Variants in CCSER2 observed in about 807,000 individuals in gnomAD.
CCSER2 encodes the protein serine-rich coiled-coil domain-containing protein 2.
CCSER2 carries 46 observed loss-of-function variants against 92.3 expected under a neutral mutation model. The ratio of observed to expected loss-of-function variants is 0.50; its 90% CI spans 0.39 to 0.64. The LOEUF (loss-of-function observed/expected upper bound fraction) is 0.64. CCSER2 is among the 30% of genes least tolerant of loss of function. CCSER2 has a pLI of 0.00. For missense variants in CCSER2, 1,244 were observed against 1,238.9 expected, an observed-to-expected ratio of 1.00 and a Z score of -0.06; for synonymous variants, 433 against 431.4, an observed-to-expected ratio of 1.00 and a Z score of -0.04.
At chr10:84,458,796 A>G (rs571106861) in intron 6 of CCSER2, among the ~76,000 whole-genome samples, 1 of 152,202 alleles carries the variant, frequency 6.6e-6, no homozygotes, top group East Asian at 1.9e-4. Context: ...CAACCTATAT[A>G]TTTAATATAC....
At chr10:84,502,951 G>A (rs1251760082) in intron 9 of CCSER2, among the ~76,000 whole-genome samples, 2 of 152,088 alleles carry the variant, frequency 1.3e-5, no homozygotes, top group East Asian at 1.9e-4. Flanking sequence ...TAGGCGAGGC[G>A]CGGTGGCTCA....
At chr10:84,476,662 C>T (rs1847166804) in intron 8 of CCSER2, among the ~76,000 whole-genome samples, 1 of 151,928 alleles carries the variant, frequency 6.6e-6, no homozygotes, top group Non-Finnish European at 1.5e-5. Flanking sequence ...CCAGGATGGT[C>T]TGCTTCTCCT....
intron 9 of CCSER2, among the ~76,000 whole-genome samples, chr10:84,503,242 A>G (rs1848865944): frequency 6.6e-6 from 1 of 152,116 alleles, no homozygotes; most frequent in Non-Finnish European, 1.5e-5. Context: ...AAAAGAATAT[A>G]GGAAAATAGA....
chr10:84,489,390 T>A (rs886081637), intron 9 of CCSER2, among the ~76,000 whole-genome samples: 2 of 152,156 alleles, frequency 1.3e-5, no homozygotes, highest in Non-Finnish European at 2.9e-5. Context: ...TTTCTAGGTC[T>A]CTAAGGACTT....
At chr10:84,457,294 T>TATGTTATATATAATATATTATATATA (rs1845737650) in intron 6 of CCSER2, among the ~76,000 whole-genome samples, 12 of 51,464 alleles carry the variant, frequency 2.3e-4, no homozygotes, top group African/African-American at 6.9e-4. Context: ...TATTATATAT[T>TATGTTATATATAATATATTATATATA]ATATATAATA....
rs1467853492 is a variant in CCSER2 at position 84,439,197 on chromosome 10, T to C, written c.2064+490T>C. On this transcript the variant is annotated intron_variant, in intron 6 of 9. Coordinates refer to ENST00000372088, the MANE Select transcript of CCSER2 (RefSeq NM_001284240.2). ...TCTTCTCCTGTTTTTTTTTTTCTTTTCTTTTTTTTTTTTGAGAAAATCTAG... is the reference window on the plus strand; with the variant it reads ...TCTTCTCCTGTTTTTTTTTTTCTTTCCTTTTTTTTTTTTGAGAAAATCTAG... Among the ~76,000 whole-genome samples, 9 of 43,706 alleles carry C rather than the reference T, an allele frequency of 2.1e-4. 1 individual carries two copies. In the East Asian group the frequency reaches 3.3e-3, roughly 16 times the overall value. 28.7% of individuals were successfully genotyped at this position (43,706 alleles called of 152,430 possible).
chr10:84,351,642 C>T (rs1476331673), intron 1 of CCSER2, among the ~76,000 whole-genome samples: 4 of 152,104 alleles, frequency 2.6e-5, no homozygotes, highest in African/African-American at 9.7e-5. Flanking sequence ...ATAGCTTGGA[C>T]TGTAGGCATG....
Position 84,385,650 on chromosome 10 carries a change from G to A in CCSER2, c.1614+11835G>A, listed in dbSNP as rs78800374. Among the ~76,000 whole-genome samples the A allele has an allele frequency of 2.5e-3, 373 of 152,212 alleles. 1 individual carries two copies. Among genetic ancestry groups the A allele is most frequent in the African/African-American group, 7.8e-3 (325 of 41,554 alleles). On this transcript the variant is annotated intron_variant, in intron 3 of 9. Coordinates refer to ENST00000372088, the MANE Select transcript of CCSER2 (RefSeq NM_001284240.2). The stretch of plus-strand genomic sequence containing the variant: ...GTAAGATCGAAAACTATAAAAATCC[G>A]TGAAGAAAACCTAGGAAAAACTCTT...
intron 7 of CCSER2, among the ~76,000 whole-genome samples, chr10:84,467,210 C>G (rs1171186011): frequency 6.6e-6 from 1 of 152,184 alleles, no homozygotes; most frequent in Non-Finnish European, 1.5e-5. Flanking sequence ...TCACTTCTCT[C>G]TGGAATCCCT....
chr10:84,361,919 C>T (rs778979449), intron 1 of CCSER2, among the ~76,000 whole-genome samples: 8 of 152,106 alleles, frequency 5.3e-5, no homozygotes, highest in Admixed American at 3.9e-4. Flanking sequence ...GGATTACAGG[C>T]GTGAGCCACC....
rs1849605327 is a variant in CCSER2 at position 84,516,611 on chromosome 10, C to G, written c.*2344C>G. ...TGGCCTTATCCTTAAGGGAAAAGTT[C>G]TAAATTTTTAAATTTATTTTTAATT... On this transcript the variant is annotated 3_prime_UTR_variant, in exon 10 of 10. Transcript: ENST00000372088. The G allele has an allele frequency of 2.0e-5, 3 of 152,100 alleles. No individual in the cohort carries two copies. In the South Asian group the frequency reaches 6.2e-4, roughly 32 times the overall value. The allele number at this position is 152,100 out of a possible 1,614,324, so 9.4% of individuals were successfully genotyped here.
At chr10:84,512,412 G>GAT (rs1849408745) in intron 9 of CCSER2, among the ~76,000 whole-genome samples, 1 of 151,478 alleles carries the variant, frequency 6.6e-6, no homozygotes, top group Non-Finnish European at 1.5e-5. Flanking sequence ...GAGAGAGAGA[G>GAT]AGAGGAGAGA....
chr10:84,477,716 T>C, intron 9 of CCSER2, 52 bp downstream of exon 9: 1 of 997,478 alleles, frequency 1.0e-6, no homozygotes, highest in Non-Finnish European at 1.6e-6. Context: ...TATTTTGATG[T>C]TTTATTTCAC....
rs146304612 is a variant in CCSER2, at chr10:84,449,683, C to T, written c.2064+10976C>T. 6.1e-3 allele frequency among the ~76,000 whole-genome samples: 934 copies of T among 152,128 alleles called. 6 individuals carry two copies. Among genetic ancestry groups the T allele is most frequent in the African/African-American group, 0.021 (853 of 41,510 alleles). On this transcript the variant is annotated intron_variant, in intron 6 of 9. Coordinates refer to ENST00000372088, the MANE Select transcript of CCSER2 (RefSeq NM_001284240.2). ...CAGCCTGATCAACATGAAGAAACCC[C>T]GTCTCTAGTAAAAATACAAAATTAG...
chr10:84,465,249 G>A (rs887469437), intron 7 of CCSER2, among the ~76,000 whole-genome samples: 940 of 20,186 alleles, frequency 0.047, 7 homozygotes, highest in African/African-American at 0.17. Context: ...TTGTGTGTGT[G>A]TGTGTGTGTG....
chr10:84,441,734 A>AATTTTTTTTTTTTTTTTT (rs1564667378), intron 6 of CCSER2, among the ~76,000 whole-genome samples: 1 of 106,410 alleles, frequency 9.4e-6, no homozygotes, highest in Non-Finnish European at 1.8e-5. Context: ...GACTGGGAAA[A>AATTTTTTTTTTTTTTTTT]TGTTTTTTTT....
rs1356803798 is a variant in CCSER2, at chr10:84,372,010, C to T, written c.958C>T (p.Pro320Ser). The T allele has an allele frequency of 8.7e-6, 14 of 1,613,730 alleles. No homozygotes were observed. The highest frequency in any genetic ancestry group is 1.2e-5 in the Non-Finnish European group (14 of 1,179,754). ...TACTTTAGGTTATAGAATGGTTCATCCCTCTCTACTGAAATCTAGCCGATC... is the reference window on the plus strand; with the variant it reads ...TACTTTAGGTTATAGAATGGTTCATTCCTCTCTACTGAAATCTAGCCGATC... ...TSTLGYRMVH[P>S]SLLKSSRSPF... The change falls in exon 2 of 10, where the codon CCC (proline) becomes TCC (serine). Residue 320 changes from proline (P) to serine (S), a missense_variant. Transcript: ENST00000372088.
chr10:84,417,063 C>T (rs1842924224), intron 3 of CCSER2, among the ~76,000 whole-genome samples: 1 of 152,166 alleles, frequency 6.6e-6, no homozygotes, highest in Non-Finnish European at 1.5e-5. Context: ...TAAGGACGCA[C>T]CAGTGGGCTA....
At chr10:84,367,236 G>A (rs1213292254) in intron 1 of CCSER2, among the ~76,000 whole-genome samples, 4 of 151,294 alleles carry the variant, frequency 2.6e-5, no homozygotes, top group Admixed American at 6.6e-5. Context: ...CTTTATTTTA[G>A]GGATATTTTC....
Sources: allele counts gnomAD v4.1 joint callset (sites outside exome capture counted in the v4.1 genomes callset), GRCh38; gene constraint gnomAD v4.1.1; transcripts MANE v1.5; gene names NCBI Gene and HGNC (gene_info 2026-07-23, HGNC 2026-07-21).